Variants in ATP11A observed in about 807,000 individuals in gnomAD.
ATP11A encodes the protein ATPase phospholipid transporting 11A, also known as phospholipid-transporting ATPase IH.
Under a neutral mutation model 154.4 loss-of-function variants are expected in ATP11A, and 81 were observed. The observed-to-expected ratio is 0.52, with a 90% CI of 0.44 to 0.63. ATP11A has a LOEUF of 0.63. Among genes scored for constraint, ATP11A ranks in the 30% least tolerant of loss-of-function variants. ATP11A has a pLI of 0.00. For synonymous variants in ATP11A, 623 were observed against 585.9 expected (o/e 1.06, Z -0.91); for missense variants, 1,316 against 1,474.3 (o/e 0.89, Z 1.76).
At chr13:112,757,093 GAT>G (rs1566435041) in intron 1 of ATP11A, among the ~76,000 whole-genome samples, 1 of 152,270 alleles carries the variant, frequency 6.6e-6, no homozygotes, top group African/African-American at 2.4e-5. Flanking sequence ...TTAGGCAAAA[GAT>G]AAAAAGTTAC....
At chr13:112,871,634 G>T (rs1453719300) in intron 25 of ATP11A, 101 bp from the exon 26 acceptor site, 1 of 1,094,158 alleles carries the variant, frequency 9.1e-7, no homozygotes, top group Non-Finnish European at 1.4e-6. Context: ...TGAAGTGTTG[G>T]CACACAAGAA....
intron 2 of ATP11A, among the ~76,000 whole-genome samples, chr13:112,803,881 T>TCCCTCCTTC (rs1555328856): frequency 9.2e-5 from 5 of 54,184 alleles, no homozygotes; most frequent in Non-Finnish European, 1.5e-4. Flanking sequence ...TTCCCTTCCT[T>TCCCTCCTTC]CCCTCATTCC....
intron 1 of ATP11A, among the ~76,000 whole-genome samples, chr13:112,770,288 G>A (rs1046746514): frequency 6.6e-6 from 1 of 152,332 alleles, no homozygotes; most frequent in Admixed American, 6.5e-5. Context: ...CCAGATCAAA[G>A]GGATGTCCCT....
At chr13:112,711,288 T>G (rs981142603) in intron 1 of ATP11A, among the ~76,000 whole-genome samples, 1 of 152,120 alleles carries the variant, frequency 6.6e-6, no homozygotes, top group African/African-American at 2.4e-5. Context: ...GCAGGAAAAT[T>G]GTCCCAAATT....
chr13:112,788,103 C>A (rs960852164), intron 2 of ATP11A, among the ~76,000 whole-genome samples: 9 of 151,214 alleles, frequency 6.0e-5, no homozygotes, highest in Admixed American at 5.3e-4. Context: ...TGTGTAGACC[C>A]CTGTGTAGAC....
At position 112,785,658 on chromosome 13, in the gene ATP11A, G is replaced by C. The variant is rs1191413944; in HGVS notation, c.162+401G>C. On this transcript the variant is annotated intron_variant, in intron 2 of 29. Transcript: ENST00000375645. The surrounding 1 kb of genome is among the most constrained non-coding windows in gnomAD (Gnocchi z 4.8). ...AACGATACCAGCCACCCCGGAGAAA[G>C]AGCCAACAAACGCAGGCTGGACAGC... 6.6e-6 allele frequency among the ~76,000 whole-genome samples: 1 copy of C among 152,164 alleles called. No homozygotes were observed. The highest frequency in any genetic ancestry group is 2.4e-5 in the African/African-American group (1 of 41,442).
At chr13:112,809,122 C>T (rs2078413515) in intron 4 of ATP11A, among the ~76,000 whole-genome samples, 1 of 152,116 alleles carries the variant, frequency 6.6e-6, no homozygotes, top group Non-Finnish European at 1.5e-5. Flanking sequence ...GTGCCTGGCA[C>T]TTGCTGAGCA....
intron 10 of ATP11A, among the ~76,000 whole-genome samples, chr13:112,824,940 G>C (rs922287013): frequency 1.3e-5 from 2 of 152,154 alleles, no homozygotes; most frequent in Non-Finnish European, 2.9e-5. Context: ...CTTAGTTAAG[G>C]ATCTGTGCTT....
intron 1 of ATP11A, among the ~76,000 whole-genome samples, chr13:112,705,389 A>C (rs549727196): frequency 2.9e-4 from 40 of 136,874 alleles, no homozygotes; most frequent in African/African-American, 1.4e-3. Context: ...GGTGCTCAGC[A>C]GTTGATGTTC....
chr13:112,714,979 T>C (rs528940913), intron 1 of ATP11A, among the ~76,000 whole-genome samples: 21 of 152,276 alleles, frequency 1.4e-4, no homozygotes, highest in Middle Eastern at 3.4e-3. Context: ...CATTCAACTT[T>C]CTGTCTCTAG....
At chr13:112,826,362 C>T (rs901966930) in intron 11 of ATP11A, among the ~76,000 whole-genome samples, 3 of 152,196 alleles carry the variant, frequency 2.0e-5, no homozygotes, top group African/African-American at 7.2e-5. Context: ...ACAAAGAGAT[C>T]CCATGAATAT....
chr13:112,798,541 G>A (rs1247561040), intron 2 of ATP11A, among the ~76,000 whole-genome samples: 1 of 152,214 alleles, frequency 6.6e-6, no homozygotes, highest in East Asian at 1.9e-4. Context: ...AGTGCCCTGG[G>A]GGGCAAGAAG....
At position 112,886,122 on chromosome 13, in the gene ATP11A, C is replaced by T. The variant is rs2080977582; in HGVS notation, c.*4256C>T. 6.6e-6 allele frequency: 1 copy of T among 152,326 alleles called. No individual in the cohort carries two copies. Among genetic ancestry groups the T allele is most frequent in the Non-Finnish European group, 1.5e-5 (1 of 68,096 alleles). 9.4% of individuals were successfully genotyped at this position (152,326 alleles called of 1,614,324 possible). On this transcript the variant is annotated 3_prime_UTR_variant, in exon 30 of 30. Transcript: ENST00000375645. ...GGAAGGGCCGCGGCCGCCTAAAGCC[C>T]CAGTCAACCCAGCCTGTGTCTGAGC...
At chr13:112,736,795 G>T (rs1176047878) in intron 1 of ATP11A, among the ~76,000 whole-genome samples, 1 of 152,100 alleles carries the variant, frequency 6.6e-6, no homozygotes, top group Non-Finnish European at 1.5e-5. Context: ...AATTAAACTA[G>T]ATTTAAATTA....
intron 2 of ATP11A, among the ~76,000 whole-genome samples, chr13:112,803,799 T>C (rs1307933455): frequency 5.0e-5 from 4 of 79,214 alleles, no homozygotes; most frequent in African/African-American, 2.3e-4. Context: ...CTGCCTTACT[T>C]CCCCTCCCTC....
chr13:112,720,557 G>GT (rs935210263), intron 1 of ATP11A, among the ~76,000 whole-genome samples: 69 of 149,492 alleles, frequency 4.6e-4, no homozygotes, highest in South Asian at 1.3e-3. Flanking sequence ...GAGTCTGTTT[G>GT]TTTTTTTTTT....
chr13:112,732,918 C>T (rs1441963273), intron 1 of ATP11A, among the ~76,000 whole-genome samples: 1 of 152,152 alleles, frequency 6.6e-6, no homozygotes, highest in Non-Finnish European at 1.5e-5. Context: ...TGGCCTCTGC[C>T]TCTAGTTTAA....
intron 1 of ATP11A, among the ~76,000 whole-genome samples, chr13:112,695,511 T>G (rs1885704899): frequency 6.6e-6 from 1 of 152,234 alleles, no homozygotes; most frequent in African/African-American, 2.4e-5. Context: ...GAATATCTGC[T>G]TATTAGGAAC....
chr13:112,723,821 G>A (rs1889494319), intron 1 of ATP11A, among the ~76,000 whole-genome samples: 1 of 152,054 alleles, frequency 6.6e-6, no homozygotes, highest in Admixed American at 6.5e-5. Flanking sequence ...ATTTGATGAA[G>A]CCAAATGCCT....
Sources: allele counts gnomAD v4.1 joint callset (sites outside exome capture counted in the v4.1 genomes callset), GRCh38; gene constraint gnomAD v4.1.1; non-coding constraint Gnocchi (gnomAD v3.1); transcripts MANE v1.5; gene names NCBI Gene and HGNC (gene_info 2026-07-23, HGNC 2026-07-21).